ITGA2: variants seen among roughly 807,000 people sequenced by gnomAD.
ITGA2 encodes integrin alpha-2.
A neutral mutation model predicts 146.3 loss-of-function variants in ITGA2; 101 were observed. The observed-to-expected ratio is 0.69, with a 90% CI of 0.59 to 0.81. ITGA2 has a LOEUF of 0.81. Among genes scored for constraint, ITGA2 ranks in the 40% least tolerant of loss-of-function variants. The pLI is 0.00. For missense variants in ITGA2, 1,281 were observed against 1,402.7 expected (o/e 0.91, Z 1.39); for synonymous variants, 477 against 487.1 (o/e 0.98, Z 0.27).
intron 1 of ITGA2, among the ~76,000 whole-genome samples, chr5:53,008,907 G>A (rs995270683): frequency 6.6e-6 from 1 of 152,242 alleles, no homozygotes; most frequent in African/African-American, 2.4e-5. Flanking sequence ...ACATGCATGA[G>A]TCAGAGAAGG....
intron 1 of ITGA2, among the ~76,000 whole-genome samples, chr5:53,007,821 T>G (rs1315833287): frequency 6.6e-6 from 1 of 152,152 alleles, no homozygotes; most frequent in African/African-American, 2.4e-5. Context: ...GAAGATTGAA[T>G]TTTTGAAATG....
At chr5:53,084,341 C>G (rs1169253327) in intron 27 of ITGA2, among the ~76,000 whole-genome samples, 2 of 151,880 alleles carry the variant, frequency 1.3e-5, no homozygotes, top group African/African-American at 4.8e-5. Flanking sequence ...GTGCTTACAA[C>G]CAAACGCTAC....
intron 1 of ITGA2, among the ~76,000 whole-genome samples, chr5:53,001,748 G>A (rs1741595115): frequency 6.8e-6 from 1 of 147,956 alleles, no homozygotes; most frequent in Non-Finnish European, 1.5e-5. Context: ...GATGAGGCAA[G>A]AGGATCATTT....
intron 2 of ITGA2, among the ~76,000 whole-genome samples, chr5:53,040,217 GAC>G (rs1743720066): frequency 1.3e-5 from 2 of 152,128 alleles, no homozygotes; most frequent in Non-Finnish European, 2.9e-5. Flanking sequence ...ATTTCAGGAA[GAC>G]ACATAGAAAA....
intron 1 of ITGA2, among the ~76,000 whole-genome samples, chr5:53,006,109 C>T (rs1741834747): frequency 6.6e-6 from 1 of 152,086 alleles, no homozygotes; most frequent in Admixed American, 6.6e-5. Flanking sequence ...CTAATGCATG[C>T]TGGGCTTAAT....
intron 5 of ITGA2, 71 bp from the exon 6 acceptor site, chr5:53,048,572 T>C: frequency 1.2e-6 from 2 of 1,612,694 alleles, no homozygotes; most frequent in Non-Finnish European, 8.5e-7. Flanking sequence ...CCTCCTTAAG[T>C]CTCATTTTTA....
intron 1 of ITGA2, among the ~76,000 whole-genome samples, chr5:53,019,345 C>T (rs1322155827): frequency 6.6e-6 from 1 of 152,038 alleles, no homozygotes; most frequent in African/African-American, 2.4e-5. Flanking sequence ...GTAAATAAGT[C>T]ATAAGTTTAA....
intron 1 of ITGA2, among the ~76,000 whole-genome samples, chr5:53,013,976 T>C (rs1742279496): frequency 6.6e-6 from 1 of 152,176 alleles, no homozygotes. Context: ...TTTGTTGAAG[T>C]TGCTTATCAA....
At chr5:53,072,469 A>G in intron 18 of ITGA2, 144 bp from the exon 19 acceptor site, 1 of 673,394 alleles carries the variant, frequency 1.5e-6, no homozygotes, top group Non-Finnish European at 2.6e-6. Flanking sequence ...GCTTTTCTTT[A>G]TTATTTTGTT....
At chr5:53,008,806 C>G (rs952894179) in intron 1 of ITGA2, among the ~76,000 whole-genome samples, 1 of 152,074 alleles carries the variant, frequency 6.6e-6, no homozygotes, top group Non-Finnish European at 1.5e-5. Context: ...TGTTTATTCT[C>G]CACTCTGCCA....
intron 10 of ITGA2, 144 bp from the exon 11 acceptor site, chr5:53,059,730 T>C (rs1245971122): frequency 4.7e-6 from 4 of 853,840 alleles, no homozygotes; most frequent in South Asian, 4.6e-5. Context: ...ATTAAGACAA[T>C]TCTACAATAT....
intron 24 of ITGA2, 28 bp from the exon 25 acceptor site, chr5:53,080,483 G>A (rs976722181): frequency 1.1e-5 from 17 of 1,559,634 alleles, no homozygotes; most frequent in Non-Finnish European, 1.4e-5. Flanking sequence ...TCCTGTTGCA[G>A]TACTGGCACA....
chr5:53,004,290 C>T (rs1741722061), intron 1 of ITGA2, among the ~76,000 whole-genome samples: 1 of 152,078 alleles, frequency 6.6e-6, no homozygotes, highest in African/African-American at 2.4e-5. Context: ...AGTTAAATCC[C>T]ATCATTTTTC....
rs776756885 is a variant in ITGA2 at position 53,056,016 on chromosome 5, T to A, written c.963T>A (p.Asp321Glu). ...VLGYLNRNALDTKNLIKEIKA... is the reference protein window; with the variant it reads ...VLGYLNRNALETKNLIKEIKA... Reference sequence around the variant, plus strand: ...GGTACTTAAACAGAAACGCCCTTGATACTAAAAATTTAATAAAAGAAATAA... The same window carrying A: ...GGTACTTAAACAGAAACGCCCTTGAAACTAAAAATTTAATAAAAGAAATAA... Residue 321 changes from aspartate (D) to glutamate (E), a missense_variant, in exon 9 of 30, where the codon GAT (aspartate) becomes GAA (glutamate). By Grantham distance (45) the Asp-to-Glu change is conservative (BLOSUM62 2). Coordinates refer to ENST00000296585, the MANE Select transcript of ITGA2 (RefSeq NM_002203.4). 1 of 1,609,184 alleles carries A rather than the reference T, an allele frequency of 6.2e-7. No homozygotes were observed. Among genetic ancestry groups the A allele is most frequent in the East Asian group, 2.2e-5 (1 of 44,700 alleles).
At chr5:53,036,322 C>T (rs533453485) in intron 2 of ITGA2, among the ~76,000 whole-genome samples, 17 of 152,252 alleles carry the variant, frequency 1.1e-4, no homozygotes, top group African/African-American at 4.1e-4. Context: ...ATGCTGTACT[C>T]AAAACCCTCC....
At chr5:53,017,085 C>G (rs1438330887) in intron 1 of ITGA2, among the ~76,000 whole-genome samples, 1 of 152,136 alleles carries the variant, frequency 6.6e-6, no homozygotes, top group Non-Finnish European at 1.5e-5. Flanking sequence ...CTAGTTCTGT[C>G]ATTTCAGCCA....
chr5:53,046,340 G>A (rs1490911474), intron 4 of ITGA2, among the ~76,000 whole-genome samples: 5 of 151,606 alleles, frequency 3.3e-5, no homozygotes, highest in South Asian at 2.1e-4. Context: ...AATTTTCAAC[G>A]TCATTCTATT....
At chr5:53,025,049 G>T (rs1742874928) in intron 1 of ITGA2, among the ~76,000 whole-genome samples, 1 of 152,098 alleles carries the variant, frequency 6.6e-6, no homozygotes, top group African/African-American at 2.4e-5. Context: ...CTAATTAATG[G>T]GGGAAAATGA....
intron 24 of ITGA2, 110 bp from the exon 25 acceptor site, chr5:53,080,401 C>T (rs1293085622): frequency 2.4e-6 from 2 of 822,740 alleles, no homozygotes; most frequent in Non-Finnish European, 4.2e-6. Flanking sequence ...TTCATTTGGA[C>T]TCAGTCTTAC....
Sources: allele counts gnomAD v4.1 joint callset (sites outside exome capture counted in the v4.1 genomes callset), GRCh38; gene constraint gnomAD v4.1.1; transcripts MANE v1.5; gene names NCBI Gene and HGNC (gene_info 2026-07-23, HGNC 2026-07-21).